BRD10: variants seen among roughly 807,000 people sequenced by gnomAD.
BRD10 encodes the protein uncharacterized bromodomain-containing protein 10.
chr9:5,983,777 G>A, the BRD10 span, among the ~76,000 whole-genome samples: 3 of 151,722 alleles, frequency 2.0e-5, no homozygotes. Context: ...ACAAATTGAT[G>A]AAAGCTAATT....
the BRD10 span, among the ~76,000 whole-genome samples, chr9:5,901,490 G>C: frequency 6.6e-6 from 1 of 151,940 alleles, no homozygotes; most frequent in African/African-American, 2.4e-5. Context: ...TTCTTCTTTA[G>C]TCTATTGATG....
chr9:5,923,668 G>C, the BRD10 span, among the ~76,000 whole-genome samples: 1 of 152,130 alleles, frequency 6.6e-6, no homozygotes, highest in African/African-American at 2.4e-5. Context: ...AAGGAATCTA[G>C]TTCTCTTTTT....
the BRD10 span, chr9:5,922,845 C>A: frequency 1.2e-6 from 2 of 1,613,974 alleles, no homozygotes; most frequent in Non-Finnish European, 1.7e-6. Flanking sequence ...CAGGTCAATG[C>A]TGGCTTTATC....
At chr9:5,988,246 C>G in the BRD10 span, 1 of 770,074 alleles carries the variant, frequency 1.3e-6, no homozygotes, top group South Asian at 1.7e-5. Flanking sequence ...ACTTTTGTAA[C>G]AATGCATTTT....
the BRD10 span, chr9:5,988,609 C>G: frequency 1.7e-6 from 2 of 1,202,536 alleles, no homozygotes; most frequent in Non-Finnish European, 2.4e-6. Context: ...ACCCCCTTAG[C>G]CAGCAACTTA....
At chr9:5,932,532 A>G in the BRD10 span, among the ~76,000 whole-genome samples, 1 of 152,210 alleles carries the variant, frequency 6.6e-6, no homozygotes, top group South Asian at 2.1e-4. Flanking sequence ...TTTACATTGT[A>G]GTAGATATTA....
At chr9:5,992,020 C>A in the BRD10 span, among the ~76,000 whole-genome samples, 3 of 152,218 alleles carry the variant, frequency 2.0e-5, no homozygotes, top group African/African-American at 7.2e-5. Context: ...TATGGCTACA[C>A]TCTATCACTT....
At chr9:5,988,506 T>C in the BRD10 span, 1 of 1,613,924 alleles carries the variant, frequency 6.2e-7, no homozygotes, top group Non-Finnish European at 8.5e-7. Flanking sequence ...CATAATAGCC[T>C]CTAGATGTAA....
the BRD10 span, chr9:5,924,937 A>C: frequency 1.1e-6 from 1 of 912,680 alleles, no homozygotes. Context: ...TACATATGGA[A>C]ATATTTTTTA....
chr9:5,935,313 T>C, the BRD10 span, among the ~76,000 whole-genome samples: 1 of 152,208 alleles, frequency 6.6e-6, no homozygotes, highest in African/African-American at 2.4e-5. Flanking sequence ...AGCATTTAAA[T>C]AGAAAGCATG....
the BRD10 span, among the ~76,000 whole-genome samples, chr9:5,929,764 A>C: frequency 2.0e-5 from 3 of 152,140 alleles, no homozygotes; most frequent in African/African-American, 7.2e-5. Context: ...ACATATATAT[A>C]TATCTAGAGA....
the BRD10 span, among the ~76,000 whole-genome samples, chr9:5,990,305 AACT>A: frequency 6.6e-6 from 1 of 152,224 alleles, no homozygotes; most frequent in Non-Finnish European, 1.5e-5. Flanking sequence ...ATATAATTTT[AACT>A]ACTTCTTCAA....
chr9:5,967,728 G>A, the BRD10 span, among the ~76,000 whole-genome samples: 1 of 145,464 alleles, frequency 6.9e-6, no homozygotes, highest in Non-Finnish European at 1.5e-5. Flanking sequence ...TTTCATAAGC[G>A]ATGGGAAAGA....
chr9:5,935,825 T>A, the BRD10 span, among the ~76,000 whole-genome samples: 1 of 152,230 alleles, frequency 6.6e-6, no homozygotes, highest in Admixed American at 6.5e-5. Context: ...AGGCCCACTT[T>A]AAGTGTTCCA....
chr9:5,933,959 T>C, the BRD10 span: 1 of 409,856 alleles, frequency 2.4e-6, no homozygotes, highest in African/African-American at 2.0e-5. Flanking sequence ...TTGCACACTT[T>C]AATTTAGATA....
At chr9:5,919,954 CAA>C in the BRD10 span, 3 of 1,613,850 alleles carry the variant, frequency 1.9e-6, no homozygotes, top group Non-Finnish European at 1.7e-6. Context: ...ATGTCTTAGC[CAA>C]AAGAGTAGCT....
the BRD10 span, chr9:5,921,297 C>T: frequency 1.2e-6 from 2 of 1,613,798 alleles, no homozygotes; most frequent in Non-Finnish European, 8.5e-7. Flanking sequence ...ATCTGAGACA[C>T]AGCTGGTGAT....
the BRD10 span, chr9:6,007,619 C>T: frequency 1.9e-6 from 3 of 1,604,462 alleles, no homozygotes; most frequent in Non-Finnish European, 2.6e-6. Flanking sequence ...ATCTCTTCCT[C>T]CTGATCGTCC....
the BRD10 span, among the ~76,000 whole-genome samples, chr9:5,988,837 C>A: frequency 6.6e-6 from 1 of 151,772 alleles, no homozygotes; most frequent in East Asian, 1.9e-4. Context: ...TTATTGTTTG[C>A]AATGTATTTC....
Sources: gnomAD v4.1 joint callset for allele counts (sites outside exome capture counted in the v4.1 genomes callset) on GRCh38, gnomAD v4.1.1 for gene constraint, MANE v1.5 for transcripts, NCBI Gene and HGNC (gene_info 2026-07-23, HGNC 2026-07-21) for gene names.